The following DGKI variants were observed in gnomAD, a reference collection of about 807,000 sequenced individuals.
DGKI encodes the protein diacylglycerol kinase iota, also known as DAG kinase iota.
In DGKI, 55 loss-of-function variants were observed where a neutral mutation model predicts 147.5. That is an observed-to-expected ratio of 0.37 (90% confidence interval 0.30 to 0.47). The LOEUF is 0.47. Among genes scored for constraint, DGKI ranks in the 20% least tolerant of loss-of-function variants. DGKI has a pLI of 1.00. For synonymous variants in DGKI, 469 were observed against 477.1 expected, an observed-to-expected ratio of 0.98 and a Z score of 0.22; for missense variants, 1,007 against 1,323.8, an observed-to-expected ratio of 0.76 and a Z score of 3.71.
At chr7:137,527,179 AATGAGACATAT>A (rs148845125) in intron 20 of DGKI, among the ~76,000 whole-genome samples, 4,881 of 152,304 alleles carry the variant, frequency 0.032, 217 homozygotes, top group East Asian at 0.11. Context: ...GTGAGCACTA[AATGAGACATAT>A]ATAAGGCAGT....
chr7:137,651,696 A>G (rs138836023), intron 5 of DGKI, among the ~76,000 whole-genome samples: 1 of 152,294 alleles, frequency 6.6e-6, no homozygotes, highest in East Asian at 1.9e-4. Flanking sequence ...ATAGAAAAGA[A>G]CTAAGCTCGG....
chr7:137,487,135 T>C (rs965078753), intron 22 of DGKI, among the ~76,000 whole-genome samples: 5 of 152,028 alleles, frequency 3.3e-5, no homozygotes, highest in Non-Finnish European at 7.4e-5. Flanking sequence ...GAAAAAAAAA[T>C]AGATTATTCT....
intron 27 of DGKI, among the ~76,000 whole-genome samples, chr7:137,446,183 G>A (rs1242213862): frequency 6.6e-6 from 1 of 152,230 alleles, no homozygotes; most frequent in African/African-American, 2.4e-5. Flanking sequence ...CTGGCTTTGT[G>A]CAAAAGCAAA....
intron 1 of DGKI, among the ~76,000 whole-genome samples, chr7:137,841,079 A>T (rs540405997): frequency 1.3e-5 from 2 of 152,378 alleles, no homozygotes; most frequent in African/African-American, 4.8e-5. Context: ...GTCTGAGATT[A>T]GCAGAAAGAT....
intron 1 of DGKI, among the ~76,000 whole-genome samples, chr7:137,735,266 C>A (rs903270531): frequency 6.6e-6 from 1 of 152,272 alleles, no homozygotes; most frequent in Non-Finnish European, 1.5e-5. Context: ...CTGCCTCATA[C>A]TTTTGTTTTA....
At chr7:137,638,623 T>TATATAC (rs1554446629) in intron 6 of DGKI, among the ~76,000 whole-genome samples, 163 of 2,710 alleles carry the variant, frequency 0.06, 37 homozygotes, top group African/African-American at 0.19. Flanking sequence ...CACACACACA[T>TATATAC]ATATATGTGT....
chr7:137,634,287 C>A (rs1162903453), intron 6 of DGKI, among the ~76,000 whole-genome samples: 1 of 152,022 alleles, frequency 6.6e-6, no homozygotes, highest in Admixed American at 6.6e-5. Context: ...GTCCAGCCTG[C>A]AATGAAAGAA....
At chr7:137,499,260 T>C (rs1023350201) in intron 21 of DGKI, among the ~76,000 whole-genome samples, 2 of 152,220 alleles carry the variant, frequency 1.3e-5, no homozygotes, top group Non-Finnish European at 2.9e-5. Context: ...TTCTATTTCT[T>C]AGTCTAAGTG....
intron 8 of DGKI, among the ~76,000 whole-genome samples, chr7:137,614,742 C>T (rs539963427): frequency 7.2e-5 from 11 of 152,208 alleles, no homozygotes; most frequent in East Asian, 1.9e-4. Flanking sequence ...CACAGTTGCT[C>T]GTGGAGTAAA....
At chr7:137,596,314 A>G (rs888140426) in intron 12 of DGKI, among the ~76,000 whole-genome samples, 2 of 152,196 alleles carry the variant, frequency 1.3e-5, no homozygotes, top group African/African-American at 4.8e-5. Flanking sequence ...AGATGCTAAA[A>G]TAAGGAAGAT....
intron 1 of DGKI, among the ~76,000 whole-genome samples, chr7:137,797,013 A>G (rs999318437): frequency 1.3e-5 from 2 of 152,344 alleles, no homozygotes; most frequent in African/African-American, 4.8e-5. Flanking sequence ...TACATTTAAT[A>G]TAGTTAAACT....
At position 137,802,012 on chromosome 7, in the gene DGKI, AGTGGATAAAGAAAAT is replaced by A. The variant is rs549278686; in HGVS notation, c.401+44435_401+44449del. ...GGGCCTAAATGCCCATCAACCAATG[AGTGGATAAAGAAAAT>A]GTGGTATAATTACAGCATGGAATAC... On this transcript the variant is annotated intron_variant, in intron 1 of 32. Coordinates refer to ENST00000614521, the MANE Select transcript of DGKI (RefSeq NM_001321708.2). 8.5e-5 allele frequency among the ~76,000 whole-genome samples: 13 copies of A among 152,294 alleles called. No individual in the cohort carries two copies. In the South Asian group the frequency reaches 2.7e-3, roughly 32 times the overall value.
chr7:137,427,339 T>C (rs574246010), intron 28 of DGKI, among the ~76,000 whole-genome samples: 1 of 152,268 alleles, frequency 6.6e-6, no homozygotes, highest in South Asian at 2.1e-4. Context: ...ATAAAGATGT[T>C]CTATGAAAGC....
At chr7:137,794,901 C>T (rs1181067804) in intron 1 of DGKI, among the ~76,000 whole-genome samples, 1 of 152,190 alleles carries the variant, frequency 6.6e-6, no homozygotes, top group Non-Finnish European at 1.5e-5. Flanking sequence ...ATCAATCTTC[C>T]TAAAGAGGAG....
intron 21 of DGKI, among the ~76,000 whole-genome samples, chr7:137,498,479 C>T (rs999331974): frequency 6.6e-6 from 1 of 152,026 alleles, no homozygotes; most frequent in Non-Finnish European, 1.5e-5. Flanking sequence ...AATATAACAT[C>T]ATCTTGTTTT....
At chr7:137,399,922 A>AAAAAG (rs1554396176) in intron 30 of DGKI, among the ~76,000 whole-genome samples, 202 of 152,070 alleles carry the variant, frequency 1.3e-3, no homozygotes, top group African/African-American at 4.7e-3. Flanking sequence ...AAAAAAAAAA[A>AAAAAG]AAAGAAAGAA....
At chr7:137,473,152 C>T (rs541239335) in intron 23 of DGKI, among the ~76,000 whole-genome samples, 42 of 151,994 alleles carry the variant, frequency 2.8e-4, no homozygotes, top group Non-Finnish European at 5.0e-4. Flanking sequence ...GAGTTTTATG[C>T]CCATGCCTGA....
At chr7:137,504,640 T>A (rs2128944264) in intron 21 of DGKI, among the ~76,000 whole-genome samples, 1 of 152,312 alleles carries the variant, frequency 6.6e-6, no homozygotes, top group East Asian at 1.9e-4. Context: ...ACTTGACATT[T>A]CCTTAAGCAT....
intron 1 of DGKI, among the ~76,000 whole-genome samples, chr7:137,809,446 GAGACTAGT>G (rs1055554987): frequency 6.6e-6 from 1 of 152,186 alleles, no homozygotes; most frequent in African/African-American, 2.4e-5. Flanking sequence ...TAGTGTTTAA[GAGACTAGT>G]ATTTTGCCAC....
Sources: allele counts gnomAD v4.1 joint callset (sites outside exome capture counted in the v4.1 genomes callset), GRCh38; gene constraint gnomAD v4.1.1; transcripts MANE v1.5; gene names NCBI Gene and HGNC (gene_info 2026-07-23, HGNC 2026-07-21).